Variants in CABYR observed in about 807,000 individuals in gnomAD.
CABYR encodes the protein calcium-binding tyrosine phosphorylation-regulated protein.
CABYR carries 31 observed loss-of-function variants against 36.1 expected under a neutral mutation model. The ratio of observed to expected loss-of-function variants is 0.86; its 90% CI spans 0.64 to 1.16. CABYR has a LOEUF of 1.16. Among genes scored for constraint, CABYR ranks in the 50% most tolerant of loss-of-function variants. The pLI, the probability that CABYR is intolerant of heterozygous loss-of-function variation, is 0.00. For missense variants in CABYR, 429 were observed against 455.8 expected (o/e 0.94, Z 0.53); for synonymous variants, 146 against 160.7 (o/e 0.91, Z 0.69).
At chr18:24,147,335 A>G (rs1238716722) in intron 3 of CABYR, among the ~76,000 whole-genome samples, 1 of 152,110 alleles carries the variant, frequency 6.6e-6, no homozygotes, top group African/African-American at 2.4e-5. Flanking sequence ...ACACACACAA[A>G]AACTTACAGA....
chr18:24,156,870 G>GA, intron 4 of CABYR: 1 of 1,614,176 alleles, frequency 6.2e-7, no homozygotes, highest in Non-Finnish European at 8.5e-7. Context: ...GGAAGCTGCA[G>GA]AAGCAGTGCA....
Position 24,143,183 on chromosome 18 carries a change from A to T in CABYR, c.69A>T (p.Arg23Ser). 1 of 1,614,100 alleles carries T rather than the reference A, an allele frequency of 6.2e-7. No individual in the cohort carries two copies. Among genetic ancestry groups the T allele is most frequent in the South Asian group, 1.1e-5 (1 of 91,050 alleles). ...AGACTCTGCTCGAGGGAATTAGCAG[A>T]GCTGTTCTCAAAACCAACCCATCAA... ...GLKTLLEGIS[R>S]AVLKTNPSNI... The change falls in exon 2 of 6, where the codon AGA becomes AGT. Residue 23 changes from arginine (R) to serine (S), a missense_variant. Coordinates refer to ENST00000399496, the MANE Select transcript of CABYR (RefSeq NM_153769.3).
intron 3 of CABYR, among the ~76,000 whole-genome samples, chr18:24,154,842 G>C (rs1248916215): frequency 6.6e-6 from 1 of 152,158 alleles, no homozygotes; most frequent in Admixed American, 6.5e-5. Context: ...CAACCCATGA[G>C]AATTTTCCTC....
At position 24,143,392 on chromosome 18, in the gene CABYR, A is replaced by C. The variant is rs778237472; in HGVS notation, c.178A>C (p.Lys60Gln). 6 of 1,569,298 alleles carry C rather than the reference A, an allele frequency of 3.8e-6. No homozygotes were observed. In the South Asian group the frequency reaches 6.9e-5, roughly 18 times the overall value. The change falls in exon 3 of 6, where the codon AAA becomes CAA. Residue 60 changes from lysine (K) to glutamine (Q), a missense_variant. Lys to Gln is a moderately conservative substitution (Grantham distance 53). Coordinates refer to ENST00000399496, the MANE Select transcript of CABYR (RefSeq NM_153769.3). ...TACTATGGATATAAAAGATCTGGTT[A>C]AACAATTTCATCAGATTAAAGGTAA... Reference protein sequence around the residue: ...NTTMDIKDLVKQFHQIKVEKW... With the variant: ...NTTMDIKDLVQQFHQIKVEKW...
At position 24,158,284 on chromosome 18, in the gene CABYR, A is replaced by G. The variant is rs548094553; in HGVS notation, c.542-1188A>G. On this transcript the variant is annotated intron_variant, in intron 4 of 5. Transcript: ENST00000399496. ...ACTTGAAAGTATCTGAAGCTGTTGG[A>G]AAAATGGCCACTTAATCATGTGCGT... Among the ~76,000 whole-genome samples, 3 of 150,114 alleles carry G rather than the reference A, an allele frequency of 2.0e-5. No individual in the cohort carries two copies. The South Asian group carries it at 6.4e-4, about 32-fold the overall frequency.
intron 3 of CABYR, 50 bp from the exon 4 acceptor site, chr18:24,155,633 TTAAAAATCTTTTCTTCTC>T: frequency 1.6e-6 from 2 of 1,230,652 alleles, no homozygotes; most frequent in South Asian, 3.0e-5. Context: ...ATTGCCTTCT[TTAAAAATCTTTTCTTCTC>T]TAAAAATCTT....
chr18:24,156,777 A>T (rs1398835196), intron 4 of CABYR: 7 of 1,614,208 alleles, frequency 4.3e-6, no homozygotes, highest in Non-Finnish European at 5.9e-6. Flanking sequence ...GATCACTTCA[A>T]TAGTCTCTGA....
chr18:24,145,712 T>C (rs1599375103), intron 3 of CABYR, among the ~76,000 whole-genome samples: 1 of 152,100 alleles, frequency 6.6e-6, no homozygotes, highest in Non-Finnish European at 1.5e-5. Flanking sequence ...CCGTTTAGTG[T>C]TGGGAGAGGC....
chr18:24,156,840 G>T (rs759206332), intron 4 of CABYR: 28 of 1,614,036 alleles, frequency 1.7e-5, no homozygotes, highest in Non-Finnish European at 2.3e-5. Context: ...GGAGATGGAA[G>T]GCAAACCTGT....
intron 3 of CABYR, among the ~76,000 whole-genome samples, chr18:24,148,424 A>G (rs2085511721): frequency 6.6e-6 from 1 of 152,038 alleles, no homozygotes; most frequent in Non-Finnish European, 1.5e-5. Flanking sequence ...TAAGGGAGGG[A>G]ATGTCTGCTA....
chr18:24,140,515 A>G (rs74626620), intron 1 of CABYR, among the ~76,000 whole-genome samples: 12,039 of 144,080 alleles, frequency 0.084, 1,138 homozygotes, highest in African/African-American at 0.24. Context: ...CACATTGGGA[A>G]TGGGGCATCT....
rs761818680 is a variant in CABYR, at chr18:24,159,820, T to A, written c.890T>A (p.Ile297Asn). Residue 297 changes from isoleucine (I) to asparagine (N), a missense_variant, in exon 5 of 6, where the codon ATT becomes AAT. Physicochemically the swap from Ile to Asn is moderately radical, Grantham distance 149. Transcript: ENST00000399496. ...VLRYVAMQVP[I>N]AVPADEKYQK... The stretch of plus-strand genomic sequence containing the variant: ...AGATATGTTGCAATGCAAGTGCCCA[T>A]TGCTGTTCCTGCAGATGAGAAATAC... 9.9e-6 allele frequency: 16 copies of A among 1,614,048 alleles called. No individual in the cohort carries two copies. In the Middle Eastern group the frequency reaches 2.0e-3, roughly 199 times the overall value.
At position 24,155,870 on chromosome 18, in the gene CABYR, A is replaced by T; in HGVS notation, c.369A>T (p.Pro123=). ...ATAGTGACAAAACCACCCAGTTTCC[A>T]TCAGTTTATGCTGTGCCAGGCACTG... ...TEYSDKTTQF[P]SVYAVPGTEQ... Residue 123 remains proline, a synonymous_variant, in exon 4 of 6, where the codon CCA becomes CCT. Coordinates refer to ENST00000399496, the MANE Select transcript of CABYR (RefSeq NM_153769.3). 4 of 1,614,204 alleles carry T rather than the reference A, an allele frequency of 2.5e-6. No individual in the cohort carries two copies. The highest frequency in any genetic ancestry group is 3.4e-6 in the Non-Finnish European group (4 of 1,180,036).
chr18:24,160,605 T>A (rs756730819), intron 5 of CABYR, among the ~76,000 whole-genome samples: 2 of 152,254 alleles, frequency 1.3e-5, no homozygotes, highest in Admixed American at 6.5e-5. Context: ...AATCATTTTT[T>A]AATTTTTCAT....
At chr18:24,147,452 A>G (rs1369203329) in intron 3 of CABYR, among the ~76,000 whole-genome samples, 3 of 152,194 alleles carry the variant, frequency 2.0e-5, no homozygotes, top group Admixed American at 6.5e-5. Context: ...TTAGCTTTGT[A>G]CTGTAGGTTC....
chr18:24,158,566 C>T (rs1353329330), intron 4 of CABYR, among the ~76,000 whole-genome samples: 1 of 152,182 alleles, frequency 6.6e-6, no homozygotes, highest in African/African-American at 2.4e-5. Context: ...GATCCACCCT[C>T]CTCGGCCTCC....
intron 3 of CABYR, among the ~76,000 whole-genome samples, chr18:24,149,163 A>C (rs936090666): frequency 6.6e-6 from 1 of 151,888 alleles, no homozygotes; most frequent in African/African-American, 2.4e-5. Flanking sequence ...CTAGATACAG[A>C]GTGTCGATTG....
chr18:24,139,208 G>A (rs1358329290), intron 1 of CABYR, 90 bp downstream of exon 1: 1 of 151,722 alleles, frequency 6.6e-6, no homozygotes, highest in African/African-American at 2.4e-5. Flanking sequence ...GGTCGTCGGG[G>A]CAGGCGGAGG....
chr18:24,150,026 C>G (rs1408983809), intron 3 of CABYR, among the ~76,000 whole-genome samples: 1 of 152,270 alleles, frequency 6.6e-6, no homozygotes, highest in Non-Finnish European at 1.5e-5. Flanking sequence ...GGCTGAAGGG[C>G]TCAAGTGCCG....
Sources: allele counts gnomAD v4.1 joint callset (sites outside exome capture counted in the v4.1 genomes callset), GRCh38; gene constraint gnomAD v4.1.1; transcripts MANE v1.5; gene names NCBI Gene and HGNC (gene_info 2026-07-23, HGNC 2026-07-21).